Variants in EXT1 observed in about 807,000 individuals in gnomAD.
The protein encoded by EXT1 is exostosin-1.
A neutral mutation model predicts 82.5 loss-of-function variants in EXT1; 20 were observed. The ratio of observed to expected loss-of-function variants is 0.24; its 90% CI spans 0.17 to 0.35. EXT1 has a LOEUF of 0.35. EXT1 is among the 10% of genes least tolerant of loss of function. The probability of loss-of-function intolerance (pLI) is 1.00; values close to 1 mark genes in which losing one functional copy is unlikely to be tolerated. For synonymous variants in EXT1, 348 were observed against 350.8 expected (o/e 0.99, Z 0.09); for missense variants, 757 against 936.5 (o/e 0.81, Z 2.50).
chr8:117,854,588 T>C (rs1406491459), intron 1 of EXT1, among the ~76,000 whole-genome samples: 9 of 152,188 alleles, frequency 5.9e-5, no homozygotes, highest in African/African-American at 1.9e-4. Context: ...GCCAATAATA[T>C]AAAACATGTT....
intron 1 of EXT1, among the ~76,000 whole-genome samples, chr8:117,860,314 CAT>C (rs1812659421): frequency 1.3e-5 from 2 of 152,022 alleles, no homozygotes; most frequent in African/African-American, 4.8e-5. Context: ...TACACATGGA[CAT>C]ACAGAGTGAA....
chr8:118,014,042 G>C (rs926880384), intron 1 of EXT1, among the ~76,000 whole-genome samples: 1 of 152,180 alleles, frequency 6.6e-6, no homozygotes, highest in African/African-American at 2.4e-5. Context: ...GTAAATGGCA[G>C]TGATAACACC....
intron 1 of EXT1, among the ~76,000 whole-genome samples, chr8:117,979,218 G>T (rs112283688): frequency 0.019 from 2,880 of 151,968 alleles, 35 homozygotes; most frequent in Middle Eastern, 0.031. Flanking sequence ...CCGGGCACTG[G>T]GGGGGTGCAC....
In EXT1 at chr8:117,799,696, C is replaced by T. The variant is rs534749250; in HGVS notation, c.*16G>A. 2.5e-5 allele frequency: 40 copies of T among 1,613,934 alleles called. No homozygotes were observed. The highest frequency in any genetic ancestry group is 3.3e-5 in the Non-Finnish European group (39 of 1,179,936). On this transcript the variant is annotated 3_prime_UTR_variant, in exon 11 of 11. Coordinates refer to ENST00000378204, the MANE Select transcript of EXT1 (RefSeq NM_000127.3). ...CCATCCCTTCTTGCTTCCCCTCCCC[C>T]ACTCAGCCGGATTCCTCAAAGTCGC...
intron 1 of EXT1, among the ~76,000 whole-genome samples, chr8:117,910,807 T>A (rs1004121430): frequency 1.3e-5 from 2 of 152,176 alleles, no homozygotes; most frequent in Admixed American, 6.5e-5. Context: ...CATGGCAGGA[T>A]CCGCATGATC....
At chr8:117,870,623 T>C (rs1394876327) in intron 1 of EXT1, among the ~76,000 whole-genome samples, 1 of 152,168 alleles carries the variant, frequency 6.6e-6, no homozygotes, top group East Asian at 1.9e-4. Flanking sequence ...CTTAGCTCCA[T>C]CCACATTTAT....
chr8:118,097,048 C>A (rs974286834), intron 1 of EXT1, among the ~76,000 whole-genome samples: 13 of 151,984 alleles, frequency 8.6e-5, no homozygotes, highest in Admixed American at 6.6e-4. Flanking sequence ...ATGTCATTTT[C>A]CCAAGGAGGC....
chr8:117,833,850 C>T (rs1399056941), intron 3 of EXT1, among the ~76,000 whole-genome samples: 1 of 152,140 alleles, frequency 6.6e-6, no homozygotes, highest in South Asian at 2.1e-4. Context: ...TGGACAAGCA[C>T]AACATGCATC....
In EXT1 at chr8:117,804,703, A is replaced by AG. The variant is rs1563872915; in HGVS notation, c.2055+18dup. The AG allele has an allele frequency of 1.9e-6, 3 of 1,613,816 alleles. No homozygotes were observed. Among genetic ancestry groups the AG allele is most frequent in the East Asian group, 2.2e-5 (1 of 44,868 alleles). On this transcript the variant is annotated intron_variant, in intron 10 of 10. Transcript: ENST00000378204. ...CCACCAGTGAGTGAAGCAAGGGAAG[A>AG]GGGCTCTTCTATACTTACCTGTCCC...
intron 1 of EXT1, among the ~76,000 whole-genome samples, chr8:118,099,704 T>C (rs1817683163): frequency 6.6e-6 from 1 of 152,236 alleles, no homozygotes; most frequent in South Asian, 2.1e-4. Flanking sequence ...GGTATCTTCC[T>C]GCTAGGTGGA....
chr8:118,005,903 G>A (rs975288917), intron 1 of EXT1, among the ~76,000 whole-genome samples: 9 of 152,144 alleles, frequency 5.9e-5, no homozygotes, highest in South Asian at 4.2e-4. Flanking sequence ...AATATACTAC[G>A]GCTTACAAGA....
intron 1 of EXT1, among the ~76,000 whole-genome samples, chr8:118,064,829 CT>C: frequency 6.7e-6 from 1 of 149,818 alleles, no homozygotes; most frequent in African/African-American, 2.4e-5. Context: ...TCTACATCTT[CT>C]TCAGCATCTG....
At chr8:117,828,519 G>A (rs201799824) in intron 4 of EXT1, among the ~76,000 whole-genome samples, 1 of 150,958 alleles carries the variant, frequency 6.6e-6, no homozygotes, top group Non-Finnish European at 1.5e-5. Flanking sequence ...AAAAAAAAAA[G>A]AAAGGCACTC....
At chr8:118,051,355 G>A (rs1270017423) in intron 1 of EXT1, among the ~76,000 whole-genome samples, 1 of 151,948 alleles carries the variant, frequency 6.6e-6, no homozygotes, top group African/African-American at 2.4e-5. Flanking sequence ...CAAAACAAAA[G>A]GAATGTTTTG....
Position 118,037,224 on chromosome 8 carries a change from A to G in EXT1, c.962+72861T>C, listed in dbSNP as rs547866110. ...GTCTGTGGGAAACAAAACAGCTGCC[A>G]CTGAACCTCAACATTTATCTGTATG... On this transcript the variant is annotated intron_variant, in intron 1 of 10. Coordinates refer to ENST00000378204, the MANE Select transcript of EXT1 (RefSeq NM_000127.3). Among the ~76,000 whole-genome samples, 37 of 152,304 alleles carry G rather than the reference A, an allele frequency of 2.4e-4. No homozygotes were observed. The South Asian group carries it at 7.5e-3, about 31-fold the overall frequency.
chr8:118,037,284 T>G (rs1816438351), intron 1 of EXT1, among the ~76,000 whole-genome samples: 1 of 152,086 alleles, frequency 6.6e-6, no homozygotes. Context: ...GATGTACGTG[T>G]GCACAGAAAT....
rs1403722259 is a variant in EXT1, at chr8:118,045,234, AT to A, written c.962+64850del. On this transcript the variant is annotated intron_variant, in intron 1 of 10. Transcript: ENST00000378204. ...CCACTTAGAAATAAATATACTCAGG[AT>A]ATTAGAAATATTTATTGCTCGCAGA... Among the ~76,000 whole-genome samples, 32 of 152,336 alleles carry A rather than the reference AT, an allele frequency of 2.1e-4. 2 individuals are homozygous for A. The South Asian group carries it at 5.4e-3, about 26-fold the overall frequency.
chr8:117,934,873 G>T (rs1011843626), intron 1 of EXT1, among the ~76,000 whole-genome samples: 1 of 152,126 alleles, frequency 6.6e-6, no homozygotes, highest in Non-Finnish European at 1.5e-5. Flanking sequence ...AACCAGTTAG[G>T]AGCAGAGGTT....
At chr8:117,887,187 C>T (rs1443309169) in intron 1 of EXT1, among the ~76,000 whole-genome samples, 1 of 152,106 alleles carries the variant, frequency 6.6e-6, no homozygotes. Context: ...CCTTAATTTT[C>T]TAAGATATCT....
Sources: allele counts gnomAD v4.1 joint callset (sites outside exome capture counted in the v4.1 genomes callset), GRCh38; gene constraint gnomAD v4.1.1; transcripts MANE v1.5; gene names NCBI Gene and HGNC (gene_info 2026-07-23, HGNC 2026-07-21).